The following SELENOI variants were observed in gnomAD, a reference collection of about 807,000 sequenced individuals.
SELENOI encodes selenoprotein I.
A neutral mutation model predicts 50.7 loss-of-function variants in SELENOI; 24 were observed. The observed-to-expected ratio is 0.47, with a 90% confidence interval of 0.34 to 0.67. The LOEUF is 0.67. SELENOI is among the 30% of genes least tolerant of loss of function. The pLI is 0.01. For synonymous variants in SELENOI, 155 were observed against 170.2 expected (o/e 0.91, Z 0.70); for missense variants, 352 against 461.4 (o/e 0.76, Z 2.17).
At chr2:26,363,264 G>A (rs1677219996) in intron 1 of SELENOI, among the ~76,000 whole-genome samples, 1 of 152,168 alleles carries the variant, frequency 6.6e-6, no homozygotes, top group Non-Finnish European at 1.5e-5. Flanking sequence ...ATCCCTTGAG[G>A]TAAGGACTAT....
At position 26,392,056 on chromosome 2, in the gene SELENOI, T is replaced by C. The variant is rs1452794487; in HGVS notation, c.*2953T>C. 2 of 152,254 alleles carry C rather than the reference T, an allele frequency of 1.3e-5. No homozygotes were observed. Among genetic ancestry groups the C allele is most frequent in the Non-Finnish European group, 2.9e-5 (2 of 68,046 alleles). The allele number at this position is 152,254 out of a possible 1,614,324, so 9.4% of individuals were successfully genotyped here. A position where few individuals can be genotyped will look rare whatever the true frequency, so the allele number is the denominator to read the frequency against. ...TAATTTTCAAAAGAAAGCTAAATGCTGATTGTGGTTTAGGATGTTACAGTA... is the reference window on the plus strand; with the variant it reads ...TAATTTTCAAAAGAAAGCTAAATGCCGATTGTGGTTTAGGATGTTACAGTA... On this transcript the variant is annotated 3_prime_UTR_variant, in exon 10 of 10. Transcript: ENST00000260585.
chr2:26,361,565 A>T (rs1394719843), intron 1 of SELENOI, among the ~76,000 whole-genome samples: 1 of 152,206 alleles, frequency 6.6e-6, no homozygotes, highest in East Asian at 1.9e-4. Flanking sequence ...CTGCTGTACT[A>T]ATATAAGTGG....
chr2:26,394,909 T>C lies in SELENOI; in HGVS notation c.*5806T>C, dbSNP rs900657698. 6.6e-6 allele frequency: 1 copy of C among 152,240 alleles called. No homozygotes were observed. The highest frequency in any genetic ancestry group is 1.5e-5 in the Non-Finnish European group (1 of 68,048). 9.4% of individuals were successfully genotyped at this position (152,240 alleles called of 1,614,324 possible). A position where few individuals can be genotyped will look rare whatever the true frequency, so the allele number is the denominator to read the frequency against. ...TCCTGTTGCAGTTGGCTTTCTGTAG[T>C]GTTCTGAAACAAGAGGACGATTCCA... On this transcript the variant is annotated 3_prime_UTR_variant, in exon 10 of 10. Transcript: ENST00000260585. The surrounding 1 kb of genome is among the most constrained non-coding windows in gnomAD (Gnocchi z 4.1).
chr2:26,346,396 C>T (rs1676758547), intron 1 of SELENOI, 107 bp downstream of exon 1: 1 of 1,323,608 alleles, frequency 7.6e-7, no homozygotes, highest in African/African-American at 1.5e-5. Flanking sequence ...TGGCTCCGGG[C>T]GGGCTGGCGG....
chr2:26,373,675 T>G, intron 5 of SELENOI, 46 bp downstream of exon 5: 1 of 1,573,578 alleles, frequency 6.4e-7, no homozygotes, highest in Non-Finnish European at 8.7e-7. Context: ...CCATGATACT[T>G]TTGGAAAGCT....
chr2:26,357,196 A>T (rs945589565), intron 1 of SELENOI, among the ~76,000 whole-genome samples: 1 of 152,212 alleles, frequency 6.6e-6, no homozygotes, highest in Non-Finnish European at 1.5e-5. Context: ...TTCTTTTGCC[A>T]TAAATCAATT....
chr2:26,381,505 T>C (rs1037483269), intron 6 of SELENOI, among the ~76,000 whole-genome samples: 1 of 152,172 alleles, frequency 6.6e-6, no homozygotes, highest in Non-Finnish European at 1.5e-5. Context: ...ATACTTGAGA[T>C]AGTTATTTCA....
intron 6 of SELENOI, among the ~76,000 whole-genome samples, chr2:26,375,757 C>A (rs1015377200): frequency 2.0e-5 from 3 of 151,996 alleles, no homozygotes; most frequent in African/African-American, 7.3e-5. Context: ...GCACTGAGAA[C>A]CTTTGTAGAA....
At chr2:26,366,597 G>C (rs1439016163) in intron 3 of SELENOI, among the ~76,000 whole-genome samples, 1 of 152,138 alleles carries the variant, frequency 6.6e-6, no homozygotes, top group Non-Finnish European at 1.5e-5. Flanking sequence ...ACAAAGCCAG[G>C]ACTAGACCCT....
chr2:26,355,583 C>T (rs1226851253), intron 1 of SELENOI, among the ~76,000 whole-genome samples: 1 of 152,020 alleles, frequency 6.6e-6, no homozygotes, highest in African/African-American at 2.4e-5. Context: ...TCATGACTTG[C>T]TTGTATTTGT....
intron 1 of SELENOI, among the ~76,000 whole-genome samples, chr2:26,361,955 C>T (rs907870540): frequency 6.6e-6 from 1 of 152,112 alleles, no homozygotes; most frequent in East Asian, 1.9e-4. Context: ...ACGCACCTAG[C>T]CAGCCCATCA....
chr2:26,379,926 A>G (rs1378248701), intron 6 of SELENOI, among the ~76,000 whole-genome samples: 3 of 152,212 alleles, frequency 2.0e-5, no homozygotes, highest in East Asian at 1.9e-4. Context: ...CTCCGAATAC[A>G]GTACCTAAAT....
chr2:26,365,974 G>A (rs1677279303), intron 3 of SELENOI, among the ~76,000 whole-genome samples: 1 of 151,876 alleles, frequency 6.6e-6, no homozygotes, highest in Non-Finnish European at 1.5e-5. Context: ...GCTAATTTTT[G>A]TATTTGTAGT....
At chr2:26,361,680 G>A (rs946146808) in intron 1 of SELENOI, among the ~76,000 whole-genome samples, 2 of 150,628 alleles carry the variant, frequency 1.3e-5, no homozygotes, top group Admixed American at 1.3e-4. Context: ...TTGAGATGGA[G>A]TCTCACTCTG....
chr2:26,358,915 A>G (rs1030461017), intron 1 of SELENOI, among the ~76,000 whole-genome samples: 21 of 152,194 alleles, frequency 1.4e-4, no homozygotes, highest in African/African-American at 4.6e-4. Flanking sequence ...AGGGGCTTAT[A>G]GTCATGTTCT....
At chr2:26,368,625 T>G (rs1432256911) in intron 4 of SELENOI, among the ~76,000 whole-genome samples, 1 of 152,176 alleles carries the variant, frequency 6.6e-6, no homozygotes, top group Non-Finnish European at 1.5e-5. Context: ...GGGGAGTCTC[T>G]GATAATATAT....
chr2:26,390,760 A>T lies in SELENOI; in HGVS notation c.*1657A>T, dbSNP rs1677946071. The T allele has an allele frequency of 6.6e-6, 1 of 152,194 alleles. No individual in the cohort carries two copies. Among genetic ancestry groups the T allele is most frequent in the Non-Finnish European group, 1.5e-5 (1 of 68,022 alleles). The allele number at this position is 152,194 out of a possible 1,614,324, so 9.4% of individuals were successfully genotyped here. A position where few individuals can be genotyped will look rare whatever the true frequency, so the allele number is the denominator to read the frequency against. On this transcript the variant is annotated 3_prime_UTR_variant, in exon 10 of 10. Transcript: ENST00000260585. ...TGGATGCAGAATAATGCAGATAGTGATCCCATGTTTGTTAATTGCCATCAT... is the reference window on the plus strand; with the variant it reads ...TGGATGCAGAATAATGCAGATAGTGTTCCCATGTTTGTTAATTGCCATCAT...
rs777326374 is a variant in SELENOI at position 26,364,953 on chromosome 2, C to T, written c.235+13C>T. On this transcript the variant is annotated intron_variant, in intron 3 of 9. Transcript: ENST00000260585. ...TTTTATGCCTCAGGTAAGAATATTA[C>T]TTTATTATAAAATTTAACTGAGTAG... 6.6e-7 allele frequency: 1 copy of T among 1,514,610 alleles called. No individual in the cohort carries two copies. Among genetic ancestry groups the T allele is most frequent in the South Asian group, 1.3e-5 (1 of 77,060 alleles). 93.8% of individuals were successfully genotyped at this position (1,514,610 alleles called of 1,614,324 possible).
chr2:26,370,561 A>G (rs1396184547), intron 4 of SELENOI, among the ~76,000 whole-genome samples: 4 of 83,686 alleles, frequency 4.8e-5, no homozygotes, highest in Non-Finnish European at 1.0e-4. Context: ...AGTAGGGGCC[A>G]CCGGGCAGAG....
Sources: gnomAD v4.1 joint callset for allele counts (sites outside exome capture counted in the v4.1 genomes callset) on GRCh38, gnomAD v4.1.1 for gene constraint, Gnocchi (gnomAD v3.1) non-coding constraint, MANE v1.5 for transcripts, NCBI Gene and HGNC (gene_info 2026-07-23, HGNC 2026-07-21) for gene names.